NCS1: variants seen among roughly 807,000 people sequenced by gnomAD.
The protein encoded by NCS1 is neuronal calcium sensor 1, also known as frequenin homolog.
NCS1 carries 6 observed loss-of-function variants against 28.4 expected under a neutral mutation model. The ratio of observed to expected loss-of-function variants is 0.21; its 90% CI spans 0.12 to 0.42. The LOEUF (loss-of-function observed/expected upper bound fraction) is 0.42. NCS1 is among the 10% of genes least tolerant of loss of function. The pLI, the probability that NCS1 is intolerant of heterozygous loss-of-function variation, is 1.00. For synonymous variants in NCS1, 86 were observed against 99.3 expected (o/e 0.87, Z 0.79); for missense variants, 131 against 241.4 (o/e 0.54, Z 3.03).
intron 2 of NCS1, among the ~76,000 whole-genome samples, chr9:130,212,056 C>T (rs958140974): frequency 7.8e-5 from 11 of 141,834 alleles, no homozygotes; most frequent in African/African-American, 9.8e-5. Context: ...TCCATATGGA[C>T]GCCCTGAGCC....
chr9:130,180,364 T>G lies in NCS1; in HGVS notation c.64+7637T>G, dbSNP rs782385941. ...ATGTCTTGACTTCTTCACTGAGGTC[T>G]TCTGCTGGGGTTCATCTTGCCCCAG... On this transcript the variant is annotated intron_variant, in intron 1 of 7. Coordinates refer to ENST00000372398, the MANE Select transcript of NCS1 (RefSeq NM_014286.4). This position sits in a 1 kb window ranked among gnomAD's most constrained non-coding sequence, Gnocchi z 4.5. 2.6e-5 allele frequency among the ~76,000 whole-genome samples: 4 copies of G among 152,126 alleles called. No individual in the cohort carries two copies. Among genetic ancestry groups the G allele is most frequent in the Non-Finnish European group, 5.9e-5 (4 of 68,016 alleles).
At position 130,172,740 on chromosome 9, in the gene NCS1, A is replaced by T; in HGVS notation, c.64+13A>T. Reference sequence around the variant, plus strand: ...AGGAAGACCTACTGTGAGTGCTCCCAGCCCCCAGCCCGCGCCCCGCGGTCA... The same window carrying T: ...AGGAAGACCTACTGTGAGTGCTCCCTGCCCCCAGCCCGCGCCCCGCGGTCA... On this transcript the variant is annotated intron_variant, in intron 1 of 7. Transcript: ENST00000372398. 7.1e-7 allele frequency: 1 copy of T among 1,418,106 alleles called. No individual in the cohort carries two copies. The highest frequency in any genetic ancestry group is 9.4e-7 in the Non-Finnish European group (1 of 1,068,536). 87.8% of individuals were successfully genotyped at this position (1,418,106 alleles called of 1,614,324 possible).
At chr9:130,220,148 T>G (rs1398112939) in intron 4 of NCS1, among the ~76,000 whole-genome samples, 2 of 152,132 alleles carry the variant, frequency 1.3e-5, no homozygotes, top group Non-Finnish European at 2.9e-5. Context: ...TTGGCTGCAC[T>G]CGGGCAGGTG....
At chr9:130,229,429 A>G (rs1588127741) in intron 7 of NCS1, among the ~76,000 whole-genome samples, 1 of 151,926 alleles carries the variant, frequency 6.6e-6, no homozygotes, top group East Asian at 1.9e-4. Context: ...TAATTTTTGT[A>G]CTTTTAGTAG....
intron 2 of NCS1, among the ~76,000 whole-genome samples, chr9:130,204,528 A>G (rs782155963): frequency 6.6e-6 from 1 of 152,112 alleles, no homozygotes; most frequent in Admixed American, 6.6e-5. Context: ...GCCTCAAGCA[A>G]TCCTCCTGAC....
At chr9:130,185,935 C>T (rs1832732589) in intron 1 of NCS1, among the ~76,000 whole-genome samples, 1 of 152,238 alleles carries the variant, frequency 6.6e-6, no homozygotes, top group East Asian at 1.9e-4. Flanking sequence ...CTGTCAAAAT[C>T]GCTGAGCGAA....
At chr9:130,203,136 ATTTT>A (rs66768750) in intron 2 of NCS1, among the ~76,000 whole-genome samples, 2 of 108,460 alleles carry the variant, frequency 1.8e-5, no homozygotes, top group African/African-American at 3.5e-5. Flanking sequence ...ATATATATAT[ATTTT>A]TTTTTTTTTT....
At chr9:130,214,250 C>G (rs1199638200) in intron 2 of NCS1, among the ~76,000 whole-genome samples, 2 of 152,202 alleles carry the variant, frequency 1.3e-5, no homozygotes, top group African/African-American at 4.8e-5. Context: ...GGGCCGACTT[C>G]CTGAAAGCAG....
chr9:130,204,298 A>AT (rs1314691994), intron 2 of NCS1, among the ~76,000 whole-genome samples: 5 of 151,764 alleles, frequency 3.3e-5, no homozygotes, highest in Non-Finnish European at 7.4e-5. Context: ...TATTAATATT[A>AT]TTTTTTCAGA....
At position 130,177,517 on chromosome 9, in the gene NCS1, G is replaced by A. The variant is rs948780130; in HGVS notation, c.64+4790G>A. On this transcript the variant is annotated intron_variant, in intron 1 of 7. Coordinates refer to ENST00000372398, the MANE Select transcript of NCS1 (RefSeq NM_014286.4). The surrounding 1 kb of genome is among the most constrained non-coding windows in gnomAD (Gnocchi z 4.4). ...GTCCCTGTACATCCCGTGTGCGTGGGCATGAACCAAGGAGGCCTTTCCTTT... is the reference window on the plus strand; with the variant it reads ...GTCCCTGTACATCCCGTGTGCGTGGACATGAACCAAGGAGGCCTTTCCTTT... 1.3e-5 allele frequency among the ~76,000 whole-genome samples: 2 copies of A among 152,216 alleles called. No individual in the cohort carries two copies. Among genetic ancestry groups the A allele is most frequent in the Non-Finnish European group, 2.9e-5 (2 of 68,030 alleles).
At position 130,217,953 on chromosome 9, in the gene NCS1, G is replaced by T; in HGVS notation, c.211G>T (p.Val71Phe). Residue 71 changes from valine (V) to phenylalanine (F), a missense_variant, in exon 3 of 8, where the codon GTC becomes TTC. This residue lies in a region of NCS1 where 100 missense variants were observed against 210.3 expected (regional missense o/e 0.48). Coordinates refer to ENST00000372398, the MANE Select transcript of NCS1 (RefSeq NM_014286.4). ...CAAGTTTGCCACATTTGTTTTCAACGTCTTTGATGAAAACAAGGTGAGCTG... is the reference window on the plus strand; with the variant it reads ...CAAGTTTGCCACATTTGTTTTCAACTTCTTTGATGAAAACAAGGTGAGCTG... The part of the protein sequence containing the change: ...PTKFATFVFN[V>F]FDENKDGRIE... 6.2e-7 allele frequency: 1 copy of T among 1,614,172 alleles called. No individual in the cohort carries two copies. The highest frequency in any genetic ancestry group is 8.5e-7 in the Non-Finnish European group (1 of 1,180,038).
At chr9:130,218,115 T>A in intron 3 of NCS1, 145 bp downstream of exon 3, 1 of 1,045,136 alleles carries the variant, frequency 9.6e-7, no homozygotes, top group Non-Finnish European at 1.4e-6. Context: ...CACAGATACA[T>A]AGTCGCACAT....
chr9:130,226,735 A>C lies in NCS1; in HGVS notation c.*17+231A>C, dbSNP rs1833421433. On this transcript the variant is annotated intron_variant, in intron 7 of 7. Coordinates refer to ENST00000372398, the MANE Select transcript of NCS1 (RefSeq NM_014286.4). This position sits in a 1 kb window ranked among gnomAD's most constrained non-coding sequence, Gnocchi z 4.8. The stretch of plus-strand genomic sequence containing the variant: ...CCAGATCAGCCTGCGAGTTTGCTTG[A>C]ACAGAATTTTTCTGGGCGCGGTGGC... Among the ~76,000 whole-genome samples the C allele has an allele frequency of 6.6e-6, 1 of 152,138 alleles. No individual in the cohort carries two copies. Among genetic ancestry groups the C allele is most frequent in the Non-Finnish European group, 1.5e-5 (1 of 68,022 alleles).
chr9:130,221,317 C>G (rs1332119002), intron 4 of NCS1, among the ~76,000 whole-genome samples: 1 of 143,456 alleles, frequency 7.0e-6, no homozygotes, highest in African/African-American at 2.6e-5. Context: ...AGCCACCGTG[C>G]CTGGCCCTGT....
chr9:130,196,476 C>T (rs571470486), intron 1 of NCS1, among the ~76,000 whole-genome samples: 152 of 152,338 alleles, frequency 1.0e-3, no homozygotes, highest in African/African-American at 2.4e-3. Flanking sequence ...CGGCGTCTCA[C>T]GCCTGTAACC....
intron 7 of NCS1, among the ~76,000 whole-genome samples, chr9:130,228,474 T>C (rs1042318794): frequency 5.3e-5 from 8 of 152,060 alleles, no homozygotes; most frequent in Non-Finnish European, 1.2e-4. Context: ...TCCTCCTACC[T>C]CGGCCTCCCA....
chr9:130,204,682 G>A (rs1203659795), intron 2 of NCS1, among the ~76,000 whole-genome samples: 1 of 152,198 alleles, frequency 6.6e-6, no homozygotes. Context: ...ATCTGGAAAA[G>A]GAGGGGGATA....
chr9:130,196,183 C>T (rs1554906809), intron 1 of NCS1, among the ~76,000 whole-genome samples: 1 of 152,202 alleles, frequency 6.6e-6, no homozygotes, highest in East Asian at 1.9e-4. Flanking sequence ...CAGGACCCCC[C>T]AGCCCTCCTG....
chr9:130,210,020 A>C (rs1554908567), intron 2 of NCS1, among the ~76,000 whole-genome samples: 1 of 152,032 alleles, frequency 6.6e-6, no homozygotes, highest in Non-Finnish European at 1.5e-5. Flanking sequence ...CCTCTGTATA[A>C]ACATCTCGGG....
Sources: allele counts gnomAD v4.1 joint callset (sites outside exome capture counted in the v4.1 genomes callset), GRCh38; gene constraint gnomAD v4.1.1; regional missense constraint gnomAD v4.1.1; non-coding constraint Gnocchi (gnomAD v3.1); transcripts MANE v1.5; gene names NCBI Gene and HGNC (gene_info 2026-07-23, HGNC 2026-07-21).